CTTNBP2: variants seen among roughly 807,000 people sequenced by gnomAD.
CTTNBP2 encodes the protein cortactin binding protein 2, also known as cortactin-binding protein 2.
A neutral mutation model predicts 156.9 loss-of-function variants in CTTNBP2; 108 were observed. The observed-to-expected ratio is 0.69, with a 90% CI of 0.59 to 0.81. CTTNBP2 has a LOEUF of 0.81. Ranked by LOEUF, CTTNBP2 falls within the 30% of genes least tolerant of loss-of-function variation. The pLI is 0.00. For synonymous variants in CTTNBP2, 767 were observed against 751.8 expected (o/e 1.02, Z -0.33); for missense variants, 1,924 against 2,035.4 (o/e 0.95, Z 1.05).
At chr7:117,806,273 T>C (rs532899705) in intron 3 of CTTNBP2, among the ~76,000 whole-genome samples, 4 of 152,266 alleles carry the variant, frequency 2.6e-5, no homozygotes, top group African/African-American at 9.6e-5. Flanking sequence ...CATGGTTTTA[T>C]AGAATGAAAG....
intron 1 of CTTNBP2, chr7:117,872,009 A>AT (rs1804643172): frequency 1.0e-6 from 1 of 968,122 alleles, no homozygotes; most frequent in Non-Finnish European, 1.2e-6. Context: ...GCTGATTCAC[A>AT]TAAGTGGGCA....
intron 2 of CTTNBP2, among the ~76,000 whole-genome samples, chr7:117,817,361 A>AAAAAAAATAT (rs1554437688): frequency 1.9e-5 from 1 of 53,286 alleles, no homozygotes. Flanking sequence ...AAAAAAAAAA[A>AAAAAAAATAT]ATATATATAT....
chr7:117,734,698 T>C (rs994794266), intron 16 of CTTNBP2, among the ~76,000 whole-genome samples: 8 of 152,224 alleles, frequency 5.3e-5, no homozygotes, highest in Admixed American at 5.2e-4. Flanking sequence ...GAACAGCTGA[T>C]AGCCACGGTA....
At chr7:117,834,057 C>CTT (rs66655327) in intron 2 of CTTNBP2, among the ~76,000 whole-genome samples, 16,242 of 146,640 alleles carry the variant, frequency 0.11, 1,171 homozygotes, top group Non-Finnish European at 0.17. Context: ...TTTCTTTCTT[C>CTT]TTTTTTTTTT....
intron 12 of CTTNBP2, among the ~76,000 whole-genome samples, chr7:117,752,811 G>A (rs1796681792): frequency 6.6e-6 from 1 of 152,160 alleles, no homozygotes; most frequent in African/African-American, 2.4e-5. Context: ...AAATTACTTT[G>A]AGTCTTTGTT....
chr7:117,748,991 ACT>A (rs1419502204), intron 12 of CTTNBP2, among the ~76,000 whole-genome samples: 2 of 152,200 alleles, frequency 1.3e-5, no homozygotes, highest in African/African-American at 4.8e-5. Context: ...CTAACCAGAC[ACT>A]GAATCTGCTG....
chr7:117,760,380 A>C, intron 10 of CTTNBP2, 55 bp downstream of exon 10: 2 of 1,550,442 alleles, frequency 1.3e-6, no homozygotes, highest in South Asian at 1.2e-5. Context: ...TGAAACCCAC[A>C]AACATAAATA....
intron 5 of CTTNBP2, among the ~76,000 whole-genome samples, chr7:117,783,735 T>C (rs1220191136): frequency 1.3e-5 from 2 of 152,220 alleles, no homozygotes; most frequent in African/African-American, 4.8e-5. Flanking sequence ...CACTCCCATA[T>C]GTTTTGGTAT....
intron 3 of CTTNBP2, among the ~76,000 whole-genome samples, chr7:117,808,638 A>G (rs1329874127): frequency 1.3e-5 from 2 of 152,226 alleles, no homozygotes; most frequent in African/African-American, 4.8e-5. Flanking sequence ...ATCATAGCTA[A>G]TGGAGCCTTT....
chr7:117,742,218 C>T lies in CTTNBP2; in HGVS notation c.3535+3613G>A, dbSNP rs372701100. On this transcript the variant is annotated intron_variant, in intron 14 of 22. Transcript: ENST00000160373. ...TTAATCACTAGTCTATAACAGACTA[C>T]TCTGCATCACACCGGCCATGTGGTA... 7.2e-5 allele frequency among the ~76,000 whole-genome samples: 11 copies of T among 152,336 alleles called. No homozygotes were observed. The East Asian group carries it at 1.7e-3, about 24-fold the overall frequency.
intron 9 of CTTNBP2, 26 bp from the exon 10 acceptor site, chr7:117,760,736 A>G (rs1231515087): frequency 9.8e-6 from 15 of 1,534,706 alleles, no homozygotes; most frequent in Non-Finnish European, 1.3e-5. Flanking sequence ...AAGAATTAGG[A>G]GTTAAAAAAA....
At chr7:117,727,564 A>G (rs1305301161) in intron 17 of CTTNBP2, among the ~76,000 whole-genome samples, 1 of 152,240 alleles carries the variant, frequency 6.6e-6, no homozygotes, top group African/African-American at 2.4e-5. Context: ...CTATAGAATC[A>G]AATCTGCTTG....
At chr7:117,870,888 A>G (rs971726039) in intron 1 of CTTNBP2, among the ~76,000 whole-genome samples, 1 of 152,238 alleles carries the variant, frequency 6.6e-6, no homozygotes, top group African/African-American at 2.4e-5. Flanking sequence ...ACAGCTAAGA[A>G]TGAGGATCAC....
rs1795211247 is a variant in CTTNBP2 at position 117,728,247 on chromosome 7, G to A, written c.3897C>T (p.Ser1299=). 6.2e-7 allele frequency: 1 copy of A among 1,613,570 alleles called. No individual in the cohort carries two copies. The highest frequency in any genetic ancestry group is 1.3e-5 in the African/African-American group (1 of 74,926). ...VVNKFKGQAP[S]PCDPVCKIVD... Reference sequence around the variant, plus strand: ...CAATCTTGCACACAGGATCGCAGGGGGAGGGCGCCTGACCTTTGAACTAGA... The same window carrying A: ...CAATCTTGCACACAGGATCGCAGGGAGAGGGCGCCTGACCTTTGAACTAGA... Residue 1299 remains serine (S), a synonymous_variant, in exon 17 of 23, where the codon TCC becomes TCT. Transcript: ENST00000160373.
chr7:117,864,212 A>AC (rs2117264963), intron 1 of CTTNBP2, among the ~76,000 whole-genome samples: 1 of 152,254 alleles, frequency 6.6e-6, no homozygotes, highest in South Asian at 2.1e-4. Context: ...TAAAATAAAA[A>AC]ATATTGGTAC....
At chr7:117,851,349 T>A (rs1410148900) in intron 2 of CTTNBP2, among the ~76,000 whole-genome samples, 1 of 152,178 alleles carries the variant, frequency 6.6e-6, no homozygotes, top group Non-Finnish European at 1.5e-5. Context: ...CAATCTCTTC[T>A]GTCTATTCAA....
chr7:117,776,887 C>G (rs1766491070), intron 8 of CTTNBP2, among the ~76,000 whole-genome samples: 1 of 152,228 alleles, frequency 6.6e-6, no homozygotes, highest in Non-Finnish European at 1.5e-5. Flanking sequence ...CAAATGTTAG[C>G]ACGCACAGTG....
chr7:117,873,315 C>T lies in CTTNBP2; in HGVS notation c.81+20G>A. ...CCCGCGTCTACACTAGCCCCGCGCC[C>T]GCCCCGGGAACTCGGTTACCGCCGC... On this transcript the variant is annotated intron_variant, in intron 1 of 22. Coordinates refer to ENST00000160373, the MANE Select transcript of CTTNBP2 (RefSeq NM_033427.3). 1 of 1,429,996 alleles carries T rather than the reference C, an allele frequency of 7.0e-7. No homozygotes were observed. Among genetic ancestry groups the T allele is most frequent in the Admixed American group, 2.7e-5 (1 of 36,878 alleles). The allele number at this position is 1,429,996 out of a possible 1,614,324, so 88.6% of individuals were successfully genotyped here.
In CTTNBP2 at chr7:117,725,390, G is replaced by C. The variant is rs144648790; in HGVS notation, c.4056-133C>G. ...TTCTATAGATATGCTACCTTTCCCA[G>C]GTAGTTTTCAAAGAAGTGAAATTAC... On this transcript the variant is annotated intron_variant, in intron 17 of 22. Transcript: ENST00000160373. The C allele has an allele frequency of 4.6e-4, 360 of 785,638 alleles. 4 individuals are homozygous for C. The East Asian group carries it at 8.9e-3, about 19-fold the overall frequency. The allele number at this position is 785,638 out of a possible 1,614,324, so 48.7% of individuals were successfully genotyped here.
Sources: allele counts gnomAD v4.1 joint callset (sites outside exome capture counted in the v4.1 genomes callset), GRCh38; gene constraint gnomAD v4.1.1; transcripts MANE v1.5; gene names NCBI Gene and HGNC (gene_info 2026-07-23, HGNC 2026-07-21).